Variants in HSPA12A observed in about 807,000 individuals in gnomAD.
HSPA12A encodes the protein heat shock protein family A (Hsp70) member 12A.
In HSPA12A, 28 loss-of-function variants were observed where a neutral mutation model predicts 69.2. The ratio of observed to expected loss-of-function variants is 0.40; its 90% CI spans 0.30 to 0.55. The LOEUF (loss-of-function observed/expected upper bound fraction) is 0.55. HSPA12A is among the 20% of genes least tolerant of loss of function. HSPA12A has a pLI of 0.38. For synonymous variants in HSPA12A, 345 were observed against 370.5 expected, an observed-to-expected ratio of 0.93 and a Z score of 0.79; for missense variants, 686 against 900.7, an observed-to-expected ratio of 0.76 and a Z score of 3.05.
chr10:116,775,209 C>G (rs915874200), intron 2 of HSPA12A, among the ~76,000 whole-genome samples: 5 of 152,250 alleles, frequency 3.3e-5, no homozygotes, highest in Non-Finnish European at 7.3e-5. Context: ...TCCCACCACT[C>G]ACAAACCTAT....
At chr10:116,695,197 C>T (rs1012068200) in intron 5 of HSPA12A, among the ~76,000 whole-genome samples, 3 of 152,050 alleles carry the variant, frequency 2.0e-5, no homozygotes, top group Non-Finnish European at 4.4e-5. Context: ...CTCCACACCA[C>T]CGACCTCCAC....
intron 2 of HSPA12A, among the ~76,000 whole-genome samples, chr10:116,823,446 T>G (rs1337876921): frequency 6.6e-6 from 1 of 152,244 alleles, no homozygotes; most frequent in South Asian, 2.1e-4. Flanking sequence ...AACAAAACAA[T>G]TTTGAAAAAG....
At chr10:116,681,743 G>A (rs782140454) in intron 8 of HSPA12A, 48 bp downstream of exon 8, 2 of 1,533,644 alleles carry the variant, frequency 1.3e-6, no homozygotes, top group Non-Finnish European at 1.8e-6. Flanking sequence ...CTTTTCACGA[G>A]CAGCACAGGA....
chr10:116,707,365 A>C, intron 1 of HSPA12A, 80 bp from the exon 2 acceptor site: 1 of 1,115,772 alleles, frequency 9.0e-7, no homozygotes, highest in Non-Finnish European at 1.3e-6. Flanking sequence ...GCATGGCCTT[A>C]ACTCCTCCAG....
intron 2 of HSPA12A, chr10:116,834,823 G>T: frequency 2.0e-6 from 1 of 508,074 alleles, no homozygotes; most frequent in Non-Finnish European, 3.0e-6. Context: ...ACGTGCAGAA[G>T]TTTAAACGTC....
intron 2 of HSPA12A, among the ~76,000 whole-genome samples, chr10:116,797,725 G>A (rs556228235): frequency 6.8e-4 from 103 of 152,304 alleles, no homozygotes; most frequent in African/African-American, 2.3e-3. Context: ...AGAGGATGGC[G>A]TCAACTGCTG....
At chr10:116,736,738 C>A (rs970698952) in intron 1 of HSPA12A, among the ~76,000 whole-genome samples, 1 of 152,082 alleles carries the variant, frequency 6.6e-6, no homozygotes, top group Non-Finnish European at 1.5e-5. Flanking sequence ...ATGGATTATC[C>A]CCTAGAGCCT....
chr10:116,801,988 TA>T (rs1179557048), intron 2 of HSPA12A, among the ~76,000 whole-genome samples: 2 of 151,972 alleles, frequency 1.3e-5, no homozygotes, highest in African/African-American at 2.4e-5. Context: ...AATGAAAGTT[TA>T]AAAAAATGTG....
At chr10:116,781,858 T>C (rs1191414476) in intron 2 of HSPA12A, among the ~76,000 whole-genome samples, 4 of 152,238 alleles carry the variant, frequency 2.6e-5, no homozygotes, top group Middle Eastern at 3.4e-3. Context: ...AAACAAGTCT[T>C]CAAACATGCA....
At chr10:116,842,603 A>G (rs2133224070) in intron 1 of HSPA12A, among the ~76,000 whole-genome samples, 1 of 152,200 alleles carries the variant, frequency 6.6e-6, no homozygotes, top group South Asian at 2.1e-4. Context: ...GAGTTTGCTT[A>G]AAGAGTTTGT....
intron 1 of HSPA12A, among the ~76,000 whole-genome samples, chr10:116,835,555 G>A (rs1247983306): frequency 6.6e-6 from 1 of 151,032 alleles, no homozygotes; most frequent in Non-Finnish European, 1.5e-5. Context: ...ATATTACAAA[G>A]ACAAGCGACT....
intron 2 of HSPA12A, among the ~76,000 whole-genome samples, chr10:116,763,278 A>C (rs945667360): frequency 6.6e-6 from 1 of 152,008 alleles, no homozygotes; most frequent in Non-Finnish European, 1.5e-5. Context: ...ATCTCAATGT[A>C]CATATGGGCT....
At chr10:116,744,347 G>A (rs1230901136), upstream of HSPA12A, among the ~76,000 whole-genome samples, 2 of 152,206 alleles carry the variant, frequency 1.3e-5, no homozygotes, top group Non-Finnish European at 2.9e-5. Context: ...CTGGCCAGGG[G>A]GGCCCTCCTC....
chr10:116,754,522 C>T (rs1589686764), intron 2 of HSPA12A, among the ~76,000 whole-genome samples: 1 of 152,288 alleles, frequency 6.6e-6, no homozygotes, highest in East Asian at 1.9e-4. Flanking sequence ...AAAATAGACA[C>T]TGAGCAAATA....
At chr10:116,850,691 C>T (rs554340176), upstream of HSPA12A, among the ~76,000 whole-genome samples, 121 of 152,152 alleles carry the variant, frequency 8.0e-4, 1 homozygote, top group African/African-American at 2.4e-3. Context: ...GACTTTTTCC[C>T]ACTCATGGCC....
At chr10:116,734,636 C>A in intron 1 of HSPA12A, among the ~76,000 whole-genome samples, 1 of 143,668 alleles carries the variant, frequency 7.0e-6, no homozygotes, top group South Asian at 2.3e-4. Context: ...GTAGTTGCAT[C>A]TACAGATTTT....
At chr10:116,822,685 T>C (rs1432842712) in intron 2 of HSPA12A, among the ~76,000 whole-genome samples, 1 of 152,206 alleles carries the variant, frequency 6.6e-6, no homozygotes, top group Non-Finnish European at 1.5e-5. Flanking sequence ...ACTTCAAGCC[T>C]CTATCCTTTG....
intron 2 of HSPA12A, among the ~76,000 whole-genome samples, chr10:116,798,601 C>T (rs564825953): frequency 6.6e-6 from 1 of 152,026 alleles, no homozygotes; most frequent in South Asian, 2.1e-4. Flanking sequence ...GGGTGAAGGA[C>T]CGACATGCTC....
intron 1 of HSPA12A, among the ~76,000 whole-genome samples, chr10:116,726,027 G>GCGCGCACACACACACA (rs140160132): frequency 2.6e-4 from 38 of 146,218 alleles, no homozygotes; most frequent in South Asian, 2.2e-3. Flanking sequence ...ACACACACAC[G>GCGCGCACACACACACA]CACACACACA....
Sources: allele counts gnomAD v4.1 joint callset (sites outside exome capture counted in the v4.1 genomes callset), GRCh38; gene constraint gnomAD v4.1.1; transcripts MANE v1.5; gene names NCBI Gene and HGNC (gene_info 2026-07-23, HGNC 2026-07-21).